The following ARHGAP15 variants were observed in gnomAD, a reference collection of about 807,000 sequenced individuals.
ARHGAP15 encodes Rho GTPase activating protein 15.
Under a neutral mutation model 63.7 loss-of-function variants are expected in ARHGAP15, and 51 were observed. That is an observed-to-expected ratio of 0.80 (90% confidence interval 0.64 to 1.01). ARHGAP15 has a LOEUF of 1.01. Among genes scored for constraint, ARHGAP15 ranks in the 50% least tolerant of loss-of-function variants. ARHGAP15 has a pLI of 0.00. For missense variants in ARHGAP15, 560 were observed against 564.6 expected (o/e 0.99, Z 0.08); for synonymous variants, 191 against 193.8 (o/e 0.99, Z 0.12).
At chr2:143,585,327 A>G (rs1343279233) in intron 11 of ARHGAP15, among the ~76,000 whole-genome samples, 2 of 152,192 alleles carry the variant, frequency 1.3e-5, no homozygotes, top group Non-Finnish European at 2.9e-5. Context: ...AATAACTGCT[A>G]TAAAATTTAA....
intron 13 of ARHGAP15, among the ~76,000 whole-genome samples, chr2:143,708,150 T>G (rs1263513434): frequency 1.3e-5 from 2 of 152,206 alleles, no homozygotes; most frequent in Non-Finnish European, 1.5e-5. Context: ...GCTTCCATTT[T>G]GTCATCTGTC....
chr2:143,444,635 G>T (rs998835281), intron 8 of ARHGAP15, among the ~76,000 whole-genome samples: 1 of 152,000 alleles, frequency 6.6e-6, no homozygotes, highest in African/African-American at 2.4e-5. Flanking sequence ...CTTTTTGATG[G>T]ATTTATTTGG....
At chr2:143,260,284 C>T (rs1196917582) in intron 6 of ARHGAP15, among the ~76,000 whole-genome samples, 3 of 152,212 alleles carry the variant, frequency 2.0e-5, no homozygotes, top group Non-Finnish European at 4.4e-5. Context: ...TCATTCTTAA[C>T]AAGAACCAAT....
intron 9 of ARHGAP15, among the ~76,000 whole-genome samples, chr2:143,504,777 C>T (rs1020094625): frequency 1.2e-4 from 18 of 152,204 alleles, no homozygotes; most frequent in African/African-American, 3.9e-4. Flanking sequence ...AGGCACCTTA[C>T]CTTGGCTGTG....
chr2:143,435,516 T>A, intron 6 of ARHGAP15, 85 bp from the exon 7 acceptor site: 1 of 1,385,098 alleles, frequency 7.2e-7, no homozygotes. Context: ...CTGTGTTTTT[T>A]AAAAAAGGAT....
intron 1 of ARHGAP15, among the ~76,000 whole-genome samples, chr2:143,130,106 A>G (rs374252808): frequency 6.6e-6 from 1 of 152,164 alleles, no homozygotes; most frequent in East Asian, 1.9e-4. Context: ...TATTTAAAAA[A>G]GAAGTCACAG....
At chr2:143,712,417 G>A (rs1684622336) in intron 13 of ARHGAP15, among the ~76,000 whole-genome samples, 1 of 152,176 alleles carries the variant, frequency 6.6e-6, no homozygotes, top group South Asian at 2.1e-4. Flanking sequence ...AGATATATAT[G>A]TTTGGAATGC....
chr2:143,670,222 A>G (rs13431958), intron 12 of ARHGAP15, among the ~76,000 whole-genome samples: 3,367 of 152,158 alleles, frequency 0.022, 136 homozygotes, highest in African/African-American at 0.077. Context: ...AGCCACCTTT[A>G]TTTATATCTT....
chr2:143,485,434 T>C (rs968876435), intron 8 of ARHGAP15, among the ~76,000 whole-genome samples: 7 of 152,240 alleles, frequency 4.6e-5, no homozygotes, highest in African/African-American at 1.7e-4. Context: ...AGATTGTGTA[T>C]ATATACATAC....
intron 6 of ARHGAP15, among the ~76,000 whole-genome samples, chr2:143,301,095 A>C (rs1277070731): frequency 1.3e-5 from 2 of 151,904 alleles, no homozygotes; most frequent in East Asian, 3.9e-4. Context: ...AATACTAAAT[A>C]AGTGAACATG....
rs551158982 is a variant in ARHGAP15 at position 143,563,351 on chromosome 2, G to A, written c.1003+6866G>A. 2.6e-5 allele frequency among the ~76,000 whole-genome samples: 4 copies of A among 152,210 alleles called. No homozygotes were observed. In the South Asian group the frequency reaches 8.3e-4, roughly 32 times the overall value. On this transcript the variant is annotated intron_variant, in intron 11 of 13. Transcript: ENST00000295095. ...CAAATATGGTTTTTGCCTTCTACAT[G>A]ATTGAATTTTCCTTGATGATAATTG...
intron 6 of ARHGAP15, among the ~76,000 whole-genome samples, chr2:143,288,371 G>GA (rs373971519): frequency 2.4e-4 from 36 of 150,194 alleles, no homozygotes; most frequent in East Asian, 1.2e-3. Context: ...ATTGTATTTG[G>GA]AAAAAAAAAT....
rs750786492 is a variant in ARHGAP15 at position 143,437,037 on chromosome 2, C to A, written c.698C>A (p.Ser233Tyr). The part of the protein sequence containing the change: ...IKEQKPEHRK[S>Y]LMFRLHHSAS... ...GAACAGAAACCAGAGCACAGAAAATCTTTAAGTGAGTATTTTCTTTGACTT... is the reference window on the plus strand; with the variant it reads ...GAACAGAAACCAGAGCACAGAAAATATTTAAGTGAGTATTTTCTTTGACTT... The change falls in exon 8 of 14, where the codon TCT (serine) becomes TAT (tyrosine). Residue 233 changes from serine (S) to tyrosine (Y), a missense_variant. Ser to Tyr is a moderately radical substitution (Grantham distance 144, BLOSUM62 -2). Transcript: ENST00000295095. The A allele has an allele frequency of 1.3e-6, 2 of 1,594,738 alleles. No homozygotes were observed. Among genetic ancestry groups the A allele is most frequent in the East Asian group, 2.2e-5 (1 of 44,548 alleles).
chr2:143,646,941 T>A (rs1415511479), intron 12 of ARHGAP15, among the ~76,000 whole-genome samples: 1 of 152,042 alleles, frequency 6.6e-6, no homozygotes, highest in African/African-American at 2.4e-5. Flanking sequence ...AGTTTCTTTC[T>A]GCCTGTGTTG....
At chr2:143,647,889 T>C (rs1273084578) in intron 12 of ARHGAP15, among the ~76,000 whole-genome samples, 1 of 152,024 alleles carries the variant, frequency 6.6e-6, no homozygotes, top group Non-Finnish European at 1.5e-5. Context: ...AAAATAAGAA[T>C]GGTTTTCATA....
At chr2:143,150,766 T>C (rs1019733144) in intron 1 of ARHGAP15, among the ~76,000 whole-genome samples, 5 of 151,968 alleles carry the variant, frequency 3.3e-5, no homozygotes, top group Admixed American at 3.3e-4. Context: ...ACACAAGGCA[T>C]CAAAGTTTTC....
intron 6 of ARHGAP15, among the ~76,000 whole-genome samples, chr2:143,401,707 A>C (rs769431361): frequency 6.6e-6 from 1 of 151,958 alleles, no homozygotes; most frequent in Non-Finnish European, 1.5e-5. Flanking sequence ...TTTATTTCTA[A>C]TTACTTATAC....
At chr2:143,158,154 C>A (rs1320060399) in intron 2 of ARHGAP15, among the ~76,000 whole-genome samples, 1 of 151,778 alleles carries the variant, frequency 6.6e-6, no homozygotes, top group African/African-American at 2.4e-5. Flanking sequence ...TAATTCATTA[C>A]AAAAATGATA....
At chr2:143,371,438 A>G (rs765543058) in intron 6 of ARHGAP15, among the ~76,000 whole-genome samples, 6 of 152,122 alleles carry the variant, frequency 3.9e-5, no homozygotes, top group African/African-American at 9.7e-5. Context: ...CCGTCTTTCT[A>G]TCTCCCTACC....
Sources: gnomAD v4.1 joint callset for allele counts (sites outside exome capture counted in the v4.1 genomes callset) on GRCh38, gnomAD v4.1.1 for gene constraint, MANE v1.5 for transcripts, NCBI Gene and HGNC (gene_info 2026-07-23, HGNC 2026-07-21) for gene names.